The following GALNT14 variants were observed in gnomAD, a reference collection of about 807,000 sequenced individuals.
GALNT14 encodes the protein polypeptide N-acetylgalactosaminyltransferase 14, also known as UDP-GalNAc:polypeptide N-acetylgalactosaminyltransferase 14.
GALNT14 carries 60 observed loss-of-function variants against 77.5 expected under a neutral mutation model. The observed-to-expected ratio is 0.77, with a 90% CI of 0.63 to 0.96. The LOEUF is 0.96. Among genes scored for constraint, GALNT14 ranks in the 40% least tolerant of loss-of-function variants. The probability of loss-of-function intolerance (pLI) is 0.00; values close to 1 mark genes in which losing one functional copy is unlikely to be tolerated. For missense variants in GALNT14, 710 were observed against 731.0 expected, an observed-to-expected ratio of 0.97 and a Z score of 0.33; for synonymous variants, 280 against 281.7, an observed-to-expected ratio of 0.99 and a Z score of 0.06.
At chr2:30,899,789 G>A in the GALNT14 span, among the ~76,000 whole-genome samples, 15 of 152,326 alleles carry the variant, frequency 9.8e-5, no homozygotes, top group South Asian at 1.9e-3. Flanking sequence ...GAGCTTTGGA[G>A]TCTGCTAATC....
intron 6 of GALNT14, among the ~76,000 whole-genome samples, chr2:30,947,020 G>T (rs190875252): frequency 6.6e-6 from 1 of 151,992 alleles, no homozygotes; most frequent in Admixed American, 6.6e-5. Flanking sequence ...TTCCCTCCCC[G>T]CAGCACTAAA....
At chr2:31,041,751 G>C (rs1407685213) in intron 1 of GALNT14, among the ~76,000 whole-genome samples, 1 of 152,162 alleles carries the variant, frequency 6.6e-6, no homozygotes, top group Non-Finnish European at 1.5e-5. Context: ...CATTTGAAAA[G>C]ATGGAAAAGT....
chr2:30,910,919 C>G lies in GALNT14; in HGVS notation c.1641G>C (p.Trp547Cys). ...PCESSLMSQHWDMVSS is the reference protein window; with the variant it reads ...PCESSLMSQHCDMVSS ...GGGGTCCTCAAGAGCTCACCATGTC[C>G]CAGTGCTGGCTCATGAGTGAGGACT... The change falls in exon 15 of 15, where the codon TGG becomes TGC. Residue 547 changes from tryptophan to cysteine, a missense_variant. Coordinates refer to ENST00000349752, the MANE Select transcript of GALNT14 (RefSeq NM_024572.4). 1 of 1,613,924 alleles carries G rather than the reference C, an allele frequency of 6.2e-7. No homozygotes were observed. Among genetic ancestry groups the G allele is most frequent in the African/African-American group, 1.3e-5 (1 of 74,982 alleles).
At chr2:30,978,866 G>A (rs1668807433) in intron 2 of GALNT14, among the ~76,000 whole-genome samples, 1 of 152,222 alleles carries the variant, frequency 6.6e-6, no homozygotes, top group Non-Finnish European at 1.5e-5. Flanking sequence ...TGTCTGCAAT[G>A]CACAGCAAGG....
intron 1 of GALNT14, among the ~76,000 whole-genome samples, chr2:31,082,649 T>C (rs761214502): frequency 6.6e-6 from 1 of 152,206 alleles, no homozygotes; most frequent in African/African-American, 2.4e-5. Flanking sequence ...GTGTGTGGCA[T>C]AAGTCTTGGC....
chr2:31,088,874 C>A (rs188141785), intron 1 of GALNT14, among the ~76,000 whole-genome samples: 1 of 152,170 alleles, frequency 6.6e-6, no homozygotes, highest in East Asian at 1.9e-4. Context: ...TGAAGATTAG[C>A]GGAGGGGCTG....
At chr2:31,085,298 G>A (rs912725221) in intron 1 of GALNT14, among the ~76,000 whole-genome samples, 1 of 152,202 alleles carries the variant, frequency 6.6e-6, no homozygotes, top group African/African-American at 2.4e-5. Flanking sequence ...TACTACCAGG[G>A]ACATCGGGGT....
intron 1 of GALNT14, among the ~76,000 whole-genome samples, chr2:31,049,061 C>G (rs920036306): frequency 6.6e-6 from 1 of 152,224 alleles, no homozygotes; most frequent in Admixed American, 6.5e-5. Context: ...CCCTTTCTTG[C>G]CTTGCAAGTC....
At chr2:30,947,437 C>T (rs1203674436) in intron 6 of GALNT14, among the ~76,000 whole-genome samples, 3 of 152,190 alleles carry the variant, frequency 2.0e-5, no homozygotes, top group Non-Finnish European at 4.4e-5. Flanking sequence ...GCCTAAGTCA[C>T]CAGCTTCTTG....
intron 1 of GALNT14, among the ~76,000 whole-genome samples, chr2:31,055,034 GTT>G (rs1674123541): frequency 6.6e-6 from 1 of 152,202 alleles, no homozygotes; most frequent in African/African-American, 2.4e-5. Context: ...CCGGGCCAGA[GTT>G]CAGTGCATTA....
rs1196402402 is a variant in GALNT14, at chr2:31,038,084, ATT to A, written c.130-45079_130-45078del. ...ATTTGCCATATATATATATATATAT[ATT>A]TTTTTTTTTTTTTTTTTTTTTTTTT... is the stretch of plus-strand genomic sequence containing the variant. On this transcript the variant is annotated intron_variant, in intron 1 of 14. Coordinates refer to ENST00000349752, the MANE Select transcript of GALNT14 (RefSeq NM_024572.4). Among the ~76,000 whole-genome samples the A allele has an allele frequency of 6.9e-3, 362 of 52,526 alleles. 5 individuals are homozygous for A. Among genetic ancestry groups the A allele is most frequent in the Admixed American group, 7.6e-3 (27 of 3,568 alleles). The allele number at this position is 52,526 out of a possible 152,430, so 34.5% of individuals were successfully genotyped here.
At chr2:30,900,123 T>G in the GALNT14 span, among the ~76,000 whole-genome samples, 1 of 152,178 alleles carries the variant, frequency 6.6e-6, no homozygotes, top group Non-Finnish European at 1.5e-5. Flanking sequence ...TGGACCTCTC[T>G]TTGAAGGCCA....
the GALNT14 span, among the ~76,000 whole-genome samples, chr2:30,888,628 G>C: frequency 2.0e-5 from 3 of 152,264 alleles, no homozygotes; most frequent in East Asian, 3.9e-4. Context: ...CCTAGATGTA[G>C]GGTTGGGAGG....
intron 1 of GALNT14, among the ~76,000 whole-genome samples, chr2:31,026,518 TCAGTCGGGGTGACGCCAAGTC>T (rs1303564595): frequency 6.6e-6 from 1 of 152,178 alleles, no homozygotes; most frequent in Non-Finnish European, 1.5e-5. Context: ...GAGTTAGCCC[TCAGTCGGGGTGACGCCAAGTC>T]ACCCTGGCAG....
Position 30,978,293 on chromosome 2 carries a change from G to A in GALNT14, c.300-11991C>T, listed in dbSNP as rs149677767. 8.5e-4 allele frequency among the ~76,000 whole-genome samples: 130 copies of A among 152,324 alleles called. 2 individuals carry two copies. The highest frequency in any genetic ancestry group is 7.8e-3 in the Admixed American group (120 of 15,304). On this transcript the variant is annotated intron_variant, in intron 2 of 14. Coordinates refer to ENST00000349752, the MANE Select transcript of GALNT14 (RefSeq NM_024572.4). ...TTCCTCCACCACACTCCACATGGCC[G>A]CCTGGTATGACTATTCCCCTTTCTA...
At chr2:30,972,475 C>A (rs1668417670) in intron 2 of GALNT14, among the ~76,000 whole-genome samples, 1 of 152,214 alleles carries the variant, frequency 6.6e-6, no homozygotes, top group Non-Finnish European at 1.5e-5. Flanking sequence ...TCTCAGCAGG[C>A]ACCACGCAGA....
the GALNT14 span, among the ~76,000 whole-genome samples, chr2:30,900,801 T>C: frequency 6.6e-6 from 1 of 152,178 alleles, no homozygotes; most frequent in East Asian, 1.9e-4. Flanking sequence ...CAGATGCATA[T>C]CGACGGGGCT....
chr2:30,914,483 G>A (rs1664556431), intron 13 of GALNT14, among the ~76,000 whole-genome samples: 1 of 152,160 alleles, frequency 6.6e-6, no homozygotes, highest in African/African-American at 2.4e-5. Flanking sequence ...TTTATGAAAA[G>A]ATGAACAAAG....
At chr2:30,909,772 G>A (rs181799577), downstream of GALNT14, among the ~76,000 whole-genome samples, 411 of 152,108 alleles carry the variant, frequency 2.7e-3, 4 homozygotes, top group African/African-American at 9.4e-3. Flanking sequence ...TATGTTTATT[G>A]CAGCATGATT....
Sources: gnomAD v4.1 joint callset for allele counts (sites outside exome capture counted in the v4.1 genomes callset) on GRCh38, gnomAD v4.1.1 for gene constraint, MANE v1.5 for transcripts, NCBI Gene and HGNC (gene_info 2026-07-23, HGNC 2026-07-21) for gene names.